Variants in FER1L6 observed in about 807,000 individuals in gnomAD.
FER1L6 encodes fer-1-like protein 6.
In FER1L6, 177 loss-of-function variants were observed where a neutral mutation model predicts 219.2. The ratio of observed to expected loss-of-function variants is 0.81; its 90% CI spans 0.71 to 0.91. The LOEUF (loss-of-function observed/expected upper bound fraction) is 0.91. FER1L6 is among the 40% of genes least tolerant of loss of function. The pLI, the probability that FER1L6 is intolerant of heterozygous loss-of-function variation, is 0.00. For missense variants in FER1L6, 2,153 were observed against 2,259.9 expected, an observed-to-expected ratio of 0.95 and a Z score of 0.96; for synonymous variants, 768 against 824.3, an observed-to-expected ratio of 0.93 and a Z score of 1.17.
chr8:123,980,240 G>T (rs1432724713), intron 10 of FER1L6, among the ~76,000 whole-genome samples: 1 of 152,186 alleles, frequency 6.6e-6, no homozygotes, highest in East Asian at 1.9e-4. Flanking sequence ...ACAGAATGCA[G>T]ATTGGCATTT....
At position 123,990,350 on chromosome 8, in the gene FER1L6, T is replaced by TA. The variant is rs781708953; in HGVS notation, c.1519+4176dup. 2.0e-4 allele frequency among the ~76,000 whole-genome samples: 30 copies of TA among 152,356 alleles called. No homozygotes were observed. In the East Asian group the frequency reaches 2.7e-3, roughly 14 times the overall value. ...GATTTACATTCCCACCAGCAGTCTGTAAGCATTCCCTTTTCACCACATTCA... is the reference window on the plus strand; with the variant it reads ...GATTTACATTCCCACCAGCAGTCTGTAAAGCATTCCCTTTTCACCACATTCA... On this transcript the variant is annotated intron_variant, in intron 12 of 40. Transcript: ENST00000522917.
chr8:123,976,085 G>A lies in FER1L6; in HGVS notation c.870+1G>A. ...GGAGGTCTCCTTTGCTGGGCAGATG[G>A]TGAGGAACCATTGTCACTAACACTG... On this transcript the variant is annotated splice_donor_variant, in intron 9 of 40. Transcript: ENST00000522917. LOFTEE classifies it high-confidence loss of function. The A allele has an allele frequency of 6.2e-7, 1 of 1,608,604 alleles. No individual in the cohort carries two copies. Among genetic ancestry groups the A allele is most frequent in the East Asian group, 2.2e-5 (1 of 44,814 alleles).
In FER1L6 at chr8:124,085,295, T is replaced by G. The variant is rs75049453; in HGVS notation, c.4391+2837T>G. Among the ~76,000 whole-genome samples the G allele has an allele frequency of 9.2e-5, 14 of 152,190 alleles. No homozygotes were observed. In the East Asian group the frequency reaches 2.7e-3, roughly 29 times the overall value. On this transcript the variant is annotated intron_variant, in intron 33 of 40. Transcript: ENST00000522917. ...GTTTGGTTCACTCTTGATTTTCTAA[T>G]TCATTAAGATATATTGTTACATTAT... is the stretch of plus-strand genomic sequence containing the variant.
At chr8:123,991,429 T>G (rs972530040) in intron 12 of FER1L6, among the ~76,000 whole-genome samples, 1 of 151,886 alleles carries the variant, frequency 6.6e-6, no homozygotes, top group Non-Finnish European at 1.5e-5. Flanking sequence ...CCTCCTTGGT[T>G]AAGTATATTC....
At chr8:124,065,687 T>A (rs969357593) in intron 26 of FER1L6, among the ~76,000 whole-genome samples, 1 of 152,212 alleles carries the variant, frequency 6.6e-6, no homozygotes, top group African/African-American at 2.4e-5. Flanking sequence ...AGAGAAGAGA[T>A]AATTTTTCAA....
intron 1 of FER1L6, among the ~76,000 whole-genome samples, chr8:123,953,646 C>T (rs770703919): frequency 6.6e-6 from 1 of 152,154 alleles, no homozygotes; most frequent in Non-Finnish European, 1.5e-5. Flanking sequence ...TGTCAGCTCC[C>T]GAAAGGAACC....
intron 1 of FER1L6, among the ~76,000 whole-genome samples, chr8:123,854,826 CT>C (rs1816601845): frequency 6.6e-6 from 1 of 152,162 alleles, no homozygotes; most frequent in African/African-American, 2.4e-5. Context: ...TCTCTCCAGG[CT>C]TCCTGGCACT....
chr8:123,873,926 G>A (rs1456396851), intron 1 of FER1L6, among the ~76,000 whole-genome samples: 4 of 152,028 alleles, frequency 2.6e-5, no homozygotes, highest in African/African-American at 2.4e-5. Flanking sequence ...ATAATACCTT[G>A]GTCTGATCGT....
chr8:124,067,339 A>C (rs1075051), intron 27 of FER1L6, among the ~76,000 whole-genome samples: 124,182 of 152,146 alleles, frequency 0.82, 50,901 homozygotes, highest in Non-Finnish European at 0.86. Flanking sequence ...TTCCTGTGAG[A>C]ACTCAGCCCT....
chr8:123,938,280 T>G (rs1814083451), intron 1 of FER1L6, among the ~76,000 whole-genome samples: 1 of 152,332 alleles, frequency 6.6e-6, no homozygotes, highest in African/African-American at 2.4e-5. Context: ...CCCATTAAGC[T>G]TCACACATTT....
chr8:123,872,815 T>A (rs1049542061), intron 1 of FER1L6, among the ~76,000 whole-genome samples: 13 of 152,348 alleles, frequency 8.5e-5, no homozygotes, highest in African/African-American at 3.1e-4. Context: ...AGGTCCTCTG[T>A]AATCTGACCA....
chr8:123,872,328 T>C (rs1471281670), intron 1 of FER1L6, among the ~76,000 whole-genome samples: 1 of 152,134 alleles, frequency 6.6e-6, no homozygotes, highest in Non-Finnish European at 1.5e-5. Context: ...TCTAGTCTCA[T>C]TGTGAGAAAA....
intron 33 of FER1L6, among the ~76,000 whole-genome samples, chr8:124,090,808 T>G (rs551677830): frequency 6.6e-6 from 1 of 152,138 alleles, no homozygotes; most frequent in African/African-American, 2.4e-5. Context: ...CAAGACTCTA[T>G]CTGTGACATG....
chr8:123,988,809 C>T (rs1314550136), intron 12 of FER1L6, among the ~76,000 whole-genome samples: 1 of 152,038 alleles, frequency 6.6e-6, no homozygotes, highest in Non-Finnish European at 1.5e-5. Flanking sequence ...ATTTGGATGC[C>T]CTTTGTTTCT....
intron 5 of FER1L6, 47 bp downstream of exon 5, chr8:123,966,337 A>G (rs749855369): frequency 6.2e-7 from 1 of 1,608,418 alleles, no homozygotes; most frequent in Non-Finnish European, 8.5e-7. Flanking sequence ...GATTCTCTTC[A>G]CCACCATTCT....
intron 3 of FER1L6, 67 bp downstream of exon 3, chr8:123,963,465 C>A: frequency 6.5e-7 from 1 of 1,541,546 alleles, no homozygotes; most frequent in Non-Finnish European, 8.9e-7. Context: ...AGCACCTCTA[C>A]AGGTGCTGGG....
In FER1L6 at chr8:123,978,084, G is replaced by A. The variant is rs573004815; in HGVS notation, c.1063+475G>A. 3.3e-5 allele frequency among the ~76,000 whole-genome samples: 5 copies of A among 152,232 alleles called. No individual in the cohort carries two copies. The South Asian group carries it at 1.0e-3, about 32-fold the overall frequency. ...AGGGTCTGTGGTTTGAGTTGGTTCA[G>A]GGCAATGGATGAAGCCAGGCTCTGG... is the stretch of plus-strand genomic sequence containing the variant. On this transcript the variant is annotated intron_variant, in intron 10 of 40. Coordinates refer to ENST00000522917, the MANE Select transcript of FER1L6 (RefSeq NM_001039112.2).
At chr8:123,959,917 A>T (rs1815191653) in intron 2 of FER1L6, among the ~76,000 whole-genome samples, 1 of 152,238 alleles carries the variant, frequency 6.6e-6, no homozygotes. Context: ...TGCTTTAACA[A>T]ATTTTAAAAT....
At chr8:123,939,156 G>T in intron 1 of FER1L6, 1 of 985,326 alleles carries the variant, frequency 1.0e-6, no homozygotes, top group Non-Finnish European at 1.2e-6. Flanking sequence ...TTCTCAAATT[G>T]TGACCTGTGA....
Sources: gnomAD v4.1 joint callset for allele counts (sites outside exome capture counted in the v4.1 genomes callset) on GRCh38, gnomAD v4.1.1 for gene constraint, MANE v1.5 for transcripts, NCBI Gene and HGNC (gene_info 2026-07-23, HGNC 2026-07-21) for gene names.